The following CORO2A variants were observed in gnomAD, a reference collection of about 807,000 sequenced individuals.
CORO2A encodes coronin-2A.
In CORO2A, 47 loss-of-function variants were observed where a neutral mutation model predicts 62.4. The ratio of observed to expected loss-of-function variants is 0.75; its 90% CI spans 0.60 to 0.96. The LOEUF (loss-of-function observed/expected upper bound fraction) is 0.96, where lower values mean the gene tolerates loss of function less well. CORO2A is among the 40% of genes least tolerant of loss of function. The pLI is 0.00. For synonymous variants in CORO2A, 273 were observed against 268.9 expected, an observed-to-expected ratio of 1.02 and a Z score of -0.15; for missense variants, 610 against 684.1, an observed-to-expected ratio of 0.89 and a Z score of 1.21.
At chr9:98,154,356 C>CAA (rs1827774025) in intron 2 of CORO2A, among the ~76,000 whole-genome samples, 3 of 52,544 alleles carry the variant, frequency 5.7e-5, no homozygotes, top group Admixed American at 1.9e-4. Flanking sequence ...TATATATACA[C>CAA]AAATACATAT....
chr9:98,159,595 C>T (rs1564211448), intron 1 of CORO2A, among the ~76,000 whole-genome samples: 1 of 151,462 alleles, frequency 6.6e-6, no homozygotes, highest in Non-Finnish European at 1.5e-5. Flanking sequence ...CTCCTGTTCC[C>T]ATCTCCACAA....
chr9:98,170,132 CA>C (rs1387354587), intron 1 of CORO2A, among the ~76,000 whole-genome samples: 2 of 152,210 alleles, frequency 1.3e-5, no homozygotes, highest in Non-Finnish European at 2.9e-5. Context: ...GTGTCTGGCA[CA>C]AAGTAGGAGC....
At chr9:98,176,160 G>A (rs1260937232) in intron 1 of CORO2A, among the ~76,000 whole-genome samples, 1 of 152,136 alleles carries the variant, frequency 6.6e-6, no homozygotes, top group African/African-American at 2.4e-5. Flanking sequence ...TGTGCTGGGA[G>A]GCACCAAAAC....
intron 2 of CORO2A, among the ~76,000 whole-genome samples, chr9:98,145,188 A>C (rs1156441717): frequency 6.6e-6 from 1 of 152,148 alleles, no homozygotes; most frequent in Non-Finnish European, 1.5e-5. Flanking sequence ...CCACTTGGTC[A>C]CCTGTGGGGA....
intron 2 of CORO2A, among the ~76,000 whole-genome samples, chr9:98,157,034 C>T (rs1416004874): frequency 6.6e-6 from 1 of 152,220 alleles, no homozygotes; most frequent in African/African-American, 2.4e-5. Flanking sequence ...AACACTTGCA[C>T]TAAGGACAAA....
At chr9:98,167,104 A>G (rs936056195) in intron 1 of CORO2A, among the ~76,000 whole-genome samples, 2 of 75,480 alleles carry the variant, frequency 2.6e-5, no homozygotes, top group African/African-American at 1.1e-4. Context: ...ATCCTGTCTC[A>G]AAAAAAAAAA....
intron 1 of CORO2A, among the ~76,000 whole-genome samples, chr9:98,186,458 T>C (rs1828239792): frequency 1.3e-5 from 2 of 152,172 alleles, no homozygotes; most frequent in African/African-American, 4.8e-5. Flanking sequence ...GGGCTCAGTG[T>C]TGTCATCTAT....
intron 2 of CORO2A, among the ~76,000 whole-genome samples, chr9:98,138,221 C>A (rs1444739226): frequency 6.6e-6 from 1 of 152,046 alleles, no homozygotes; most frequent in East Asian, 1.9e-4. Flanking sequence ...TCGAGACCAG[C>A]CTGGCCAACA....
At chr9:98,135,774 A>C (rs73655197) in intron 3 of CORO2A, among the ~76,000 whole-genome samples, 1,709 of 152,278 alleles carry the variant, frequency 0.011, 22 homozygotes, top group African/African-American at 0.039. Flanking sequence ...TTTGCTTTCA[A>C]TTCAGCAAAT....
chr9:98,140,876 A>G (rs1489164508), intron 2 of CORO2A, among the ~76,000 whole-genome samples: 2 of 152,176 alleles, frequency 1.3e-5, no homozygotes, highest in East Asian at 3.9e-4. Context: ...TGGATCCCCT[A>G]CTGGAGGGGA....
intron 1 of CORO2A, among the ~76,000 whole-genome samples, chr9:98,186,090 T>G (rs1383608103): frequency 6.6e-6 from 1 of 152,102 alleles, no homozygotes; most frequent in African/African-American, 2.4e-5. Context: ...CCCTACAAAC[T>G]CCAGGCTCAA....
rs961697031 is a variant in CORO2A at position 98,122,498 on chromosome 9, A to G, written c.*2276T>C. The G allele has an allele frequency of 7.9e-5, 12 of 151,952 alleles. No individual in the cohort carries two copies. Among genetic ancestry groups the G allele is most frequent in the African/African-American group, 2.7e-4 (11 of 41,338 alleles). 9.4% of individuals were successfully genotyped at this position (151,952 alleles called of 1,614,324 possible). ...GCCCCTCCTTGGTAAGGAGGGACCA[A>G]TTTCACTTCTAATCATTCCCAGTCT... is the stretch of plus-strand genomic sequence containing the variant. On this transcript the variant is annotated 3_prime_UTR_variant, in exon 12 of 12. Transcript: ENST00000375077.
At chr9:98,159,889 G>C (rs1827860434) in intron 1 of CORO2A, among the ~76,000 whole-genome samples, 1 of 152,116 alleles carries the variant, frequency 6.6e-6, no homozygotes, top group Admixed American at 6.5e-5. Context: ...GGCAGGTTTG[G>C]CTGGGCCTAC....
chr9:98,176,281 C>A (rs1828107907), intron 1 of CORO2A, among the ~76,000 whole-genome samples: 1 of 152,148 alleles, frequency 6.6e-6, no homozygotes, highest in African/African-American at 2.4e-5. Context: ...CCCACTAATT[C>A]TCTCCCAAAT....
intron 1 of CORO2A, among the ~76,000 whole-genome samples, chr9:98,159,454 A>G (rs1827854797): frequency 6.6e-6 from 1 of 151,872 alleles, no homozygotes; most frequent in South Asian, 2.1e-4. Context: ...TCCATATTCC[A>G]AGATTCTTTT....
chr9:98,145,902 G>A (rs1827638462), intron 2 of CORO2A, among the ~76,000 whole-genome samples: 1 of 152,194 alleles, frequency 6.6e-6, no homozygotes, highest in African/African-American at 2.4e-5. Context: ...GGTAGAGACA[G>A]GGTTTTGGTA....
chr9:98,186,890 A>C (rs1828245647), intron 1 of CORO2A, among the ~76,000 whole-genome samples: 2 of 152,106 alleles, frequency 1.3e-5, no homozygotes, highest in South Asian at 4.1e-4. Context: ...CTCACTGCCC[A>C]GGTCCCACAG....
rs1174402008 is a variant in CORO2A, at chr9:98,177,457, G to GTTTTTT, written c.-1+15096_-1+15101dup. Among the ~76,000 whole-genome samples, 249 of 98,298 alleles carry GTTTTTT rather than the reference G, an allele frequency of 2.5e-3. 23 individuals carry two copies. The highest frequency in any genetic ancestry group is 0.01 in the African/African-American group (235 of 22,712). 64.5% of individuals were successfully genotyped at this position (98,298 alleles called of 152,430 possible). A position where few individuals can be genotyped will look rare whatever the true frequency, so the allele number is the denominator to read the frequency against. ...GTTAGAGCAATGGGCTCCAAACTTT[G>GTTTTTT]TTTTTTTTTTTTTTTTTTTTTTTGA... On this transcript the variant is annotated intron_variant, in intron 1 of 11. Transcript: ENST00000375077.
chr9:98,158,836 AACACACACACACAC>A (rs34090994), intron 1 of CORO2A, among the ~76,000 whole-genome samples: 4 of 149,254 alleles, frequency 2.7e-5, no homozygotes, highest in Admixed American at 2.7e-4. Context: ...AAAAGAAGAA[AACACACACACACAC>A]ACACACACAC....
Sources: allele counts gnomAD v4.1 joint callset (sites outside exome capture counted in the v4.1 genomes callset), GRCh38; gene constraint gnomAD v4.1.1; transcripts MANE v1.5; gene names NCBI Gene and HGNC (gene_info 2026-07-23, HGNC 2026-07-21).